DLG2: variants seen among roughly 807,000 people sequenced by gnomAD.
The protein encoded by DLG2 is discs large MAGUK scaffold protein 2, also known as disks large homolog 2.
In DLG2, 45 loss-of-function variants were observed where a neutral mutation model predicts 132.5. That is an observed-to-expected ratio of 0.34 (90% CI 0.27 to 0.44). The LOEUF (loss-of-function observed/expected upper bound fraction) is 0.44. Among genes scored for constraint, DLG2 ranks in the 20% least tolerant of loss-of-function variants. The pLI is 1.00. For synonymous variants in DLG2, 424 were observed against 419.6 expected (o/e 1.01, Z -0.13); for missense variants, 1,045 against 1,196.9 (o/e 0.87, Z 1.87).
chr11:84,302,791 A>T (rs1444485055), intron 7 of DLG2, among the ~76,000 whole-genome samples: 2 of 152,148 alleles, frequency 1.3e-5, no homozygotes, highest in Admixed American at 1.3e-4. Flanking sequence ...TATTTTATTA[A>T]AAAATAAAAC....
intron 6 of DLG2, among the ~76,000 whole-genome samples, chr11:84,602,401 A>C (rs2099578200): frequency 6.6e-6 from 1 of 151,990 alleles, no homozygotes; most frequent in South Asian, 2.1e-4. Flanking sequence ...ACATAAAGTA[A>C]TTATATTAAA....
At chr11:83,901,838 T>C (rs2073525687) in intron 15 of DLG2, among the ~76,000 whole-genome samples, 1 of 152,194 alleles carries the variant, frequency 6.6e-6, no homozygotes, top group Non-Finnish European at 1.5e-5. Context: ...TCCACTTAAC[T>C]AAGCCTTAAT....
chr11:83,766,941 C>T lies in DLG2; in HGVS notation c.1825+19749G>A, dbSNP rs561385604. Among the ~76,000 whole-genome samples the T allele has an allele frequency of 2.1e-4, 32 of 152,266 alleles. No individual in the cohort carries two copies. The East Asian group carries it at 4.8e-3, about 23-fold the overall frequency. ...GGGAAGAAACTGTCTTCAAAGCCAGCGATGCCCTGTATAGTCTTTCTCGGG... is the reference window on the plus strand; with the variant it reads ...GGGAAGAAACTGTCTTCAAAGCCAGTGATGCCCTGTATAGTCTTTCTCGGG... On this transcript the variant is annotated intron_variant, in intron 18 of 27. Transcript: ENST00000376104.
At chr11:85,172,215 G>T (rs548762087) in intron 4 of DLG2, among the ~76,000 whole-genome samples, 18 of 152,236 alleles carry the variant, frequency 1.2e-4, no homozygotes, top group Non-Finnish European at 2.1e-4. Context: ...GCCAGCATCA[G>T]GTTGGTGACC....
chr11:84,975,018 G>C (rs958521891), intron 6 of DLG2, among the ~76,000 whole-genome samples: 22 of 152,124 alleles, frequency 1.4e-4, no homozygotes, highest in African/African-American at 5.3e-4. Context: ...ATAAGAGTCA[G>C]TGATTTTTGC....
chr11:83,941,489 G>A (rs1227713662), intron 14 of DLG2, among the ~76,000 whole-genome samples: 1 of 151,900 alleles, frequency 6.6e-6, no homozygotes, highest in Non-Finnish European at 1.5e-5. Flanking sequence ...TCTGCCTCCT[G>A]GGTTCAAGCC....
At chr11:85,597,036 T>C (rs2079822778) in intron 3 of DLG2, among the ~76,000 whole-genome samples, 1 of 152,264 alleles carries the variant, frequency 6.6e-6, no homozygotes, top group South Asian at 2.1e-4. Context: ...TTACAGATTA[T>C]TGTTGCCTCT....
intron 3 of DLG2, among the ~76,000 whole-genome samples, chr11:85,521,402 C>T (rs1225163635): frequency 6.6e-6 from 1 of 152,208 alleles, no homozygotes; most frequent in African/African-American, 2.4e-5. Context: ...GAGGCCTCCC[C>T]AGCCATGTGG....
intron 25 of DLG2, among the ~76,000 whole-genome samples, chr11:83,468,130 C>G (rs2091467254): frequency 6.6e-6 from 1 of 151,884 alleles, no homozygotes; most frequent in Non-Finnish European, 1.5e-5. Context: ...AGAAAAAAGG[C>G]ACTTTATGCA....
At chr11:85,528,481 A>G (rs1175050640) in intron 3 of DLG2, among the ~76,000 whole-genome samples, 1 of 152,222 alleles carries the variant, frequency 6.6e-6, no homozygotes, top group Non-Finnish European at 1.5e-5. Flanking sequence ...ACACAATGAG[A>G]TGTTAAGTTA....
chr11:85,063,503 G>A lies in DLG2; in HGVS notation c.357+48158C>T, dbSNP rs764178925. ...TAGAAATTTTATATAGAGTCTGTAC[G>A]TAACAAGGCAATCACAGTGAAAAAC... On this transcript the variant is annotated intron_variant, in intron 6 of 27. Coordinates refer to ENST00000376104, the MANE Select transcript of DLG2 (RefSeq NM_001142699.3). Among the ~76,000 whole-genome samples, 8 of 151,718 alleles carry A rather than the reference G, an allele frequency of 5.3e-5. No homozygotes were observed. The East Asian group carries it at 5.8e-4, about 11-fold the overall frequency.
rs554026131 is a variant in DLG2, at chr11:84,617,325, T to C, written c.358-82594A>G. On this transcript the variant is annotated intron_variant, in intron 6 of 27. Coordinates refer to ENST00000376104, the MANE Select transcript of DLG2 (RefSeq NM_001142699.3). Reference sequence around the variant, plus strand: ...CAAAAGACATGAACTCATCCTTTTATATGGCCACATAGTATTCCACGGTGA... The same window carrying C: ...CAAAAGACATGAACTCATCCTTTTACATGGCCACATAGTATTCCACGGTGA... Among the ~76,000 whole-genome samples the C allele has an allele frequency of 3.3e-5, 5 of 152,312 alleles. 1 individual carries two copies. In the South Asian group the frequency reaches 1.0e-3, roughly 32 times the overall value.
At chr11:85,145,682 A>C (rs1228898209) in intron 5 of DLG2, among the ~76,000 whole-genome samples, 1 of 151,960 alleles carries the variant, frequency 6.6e-6, no homozygotes, top group Non-Finnish European at 1.5e-5. Flanking sequence ...ATTATTTAAA[A>C]AATTATTTCA....
chr11:84,427,012 G>T (rs2098968882), intron 7 of DLG2, among the ~76,000 whole-genome samples: 1 of 152,116 alleles, frequency 6.6e-6, no homozygotes, highest in Non-Finnish European at 1.5e-5. Flanking sequence ...AAAGAAAGAT[G>T]TTCTTCTTAG....
chr11:84,932,890 C>G (rs569232870), intron 6 of DLG2, among the ~76,000 whole-genome samples: 108 of 152,260 alleles, frequency 7.1e-4, no homozygotes, highest in African/African-American at 2.6e-3. Context: ...AATGGGATTG[C>G]TAGGTCAAAA....
At chr11:83,490,060 G>C (rs927581271) in intron 21 of DLG2, among the ~76,000 whole-genome samples, 4 of 151,984 alleles carry the variant, frequency 2.6e-5, no homozygotes, top group Admixed American at 1.3e-4. Flanking sequence ...TCACTACTCA[G>C]ATTTTGTCTT....
intron 2 of DLG2, among the ~76,000 whole-genome samples, chr11:85,608,603 T>G (rs1220328384): frequency 6.6e-6 from 1 of 152,096 alleles, no homozygotes; most frequent in African/African-American, 2.4e-5. Flanking sequence ...AAGCCTCCTC[T>G]AATCTCCCCG....
chr11:83,790,358 A>G (rs1177190749), intron 17 of DLG2: 6 of 887,382 alleles, frequency 6.8e-6, no homozygotes, highest in African/African-American at 1.7e-5. Context: ...GTCCCAATCA[A>G]GGAAAGAACC....
intron 3 of DLG2, among the ~76,000 whole-genome samples, chr11:85,574,037 A>AT (rs1017622805): frequency 1.3e-5 from 2 of 151,994 alleles, no homozygotes; most frequent in South Asian, 2.1e-4. Context: ...GTAAAAGCTG[A>AT]TAAAAAAAAG....
Sources: allele counts gnomAD v4.1 joint callset (sites outside exome capture counted in the v4.1 genomes callset), GRCh38; gene constraint gnomAD v4.1.1; transcripts MANE v1.5; gene names NCBI Gene and HGNC (gene_info 2026-07-23, HGNC 2026-07-21).